The following TAB2 variants were observed in gnomAD, a reference collection of about 807,000 sequenced individuals.
The protein encoded by TAB2 is TGF-beta-activated kinase 1 and MAP3K7-binding protein 2.
A neutral mutation model predicts 65.0 loss-of-function variants in TAB2; 3 were observed. The observed-to-expected ratio is 0.05, with a 90% CI of 0.02 to 0.12. TAB2 has a LOEUF of 0.12. TAB2 is among the 10% of genes least tolerant of loss of function. The pLI is 1.00. For synonymous variants in TAB2, 298 were observed against 285.1 expected, an observed-to-expected ratio of 1.05 and a Z score of -0.46; for missense variants, 623 against 840.3, an observed-to-expected ratio of 0.74 and a Z score of 3.20.
At chr6:149,263,773 T>C (rs1231508522) in intron 1 of TAB2, among the ~76,000 whole-genome samples, 3 of 152,208 alleles carry the variant, frequency 2.0e-5, no homozygotes, top group Admixed American at 6.5e-5. Context: ...AAGAATATTA[T>C]GGGACAGGCC....
Position 149,368,612 on chromosome 6 carries a change from A to C in TAB2, c.-89-1297A>C, listed in dbSNP as rs559518218. Among the ~76,000 whole-genome samples the C allele has an allele frequency of 1.7e-3, 253 of 151,636 alleles. 1 individual carries two copies. Among genetic ancestry groups the C allele is most frequent in the African/African-American group, 6.0e-3 (246 of 41,306 alleles). ...TCTAGTACTTTCTCTCCTGCAACCC[A>C]TTTATAGAAACACTACTTTTGAATG... is the stretch of plus-strand genomic sequence containing the variant. On this transcript the variant is annotated intron_variant, in intron 1 of 6. Coordinates refer to ENST00000637181, the MANE Select transcript of TAB2 (RefSeq NM_001292034.3).
At chr6:149,326,693 G>T (rs541523922) in intron 1 of TAB2, among the ~76,000 whole-genome samples, 31 of 151,872 alleles carry the variant, frequency 2.0e-4, no homozygotes, top group Non-Finnish European at 3.5e-4. Flanking sequence ...GATTACAGGC[G>T]CCCACCACCC....
chr6:149,354,699 AG>A (rs1194098001), intron 1 of TAB2, among the ~76,000 whole-genome samples: 3 of 152,150 alleles, frequency 2.0e-5, no homozygotes, highest in African/African-American at 7.2e-5. Flanking sequence ...TGTATGTAAG[AG>A]AATACAGAAC....
intron 1 of TAB2, among the ~76,000 whole-genome samples, chr6:149,363,298 C>T (rs1187689755): frequency 1.3e-5 from 2 of 151,956 alleles, no homozygotes; most frequent in Admixed American, 6.6e-5. Flanking sequence ...ATGAGAAATT[C>T]GCCCCTATGA....
At chr6:149,229,394 G>A (rs1020875076) in intron 1 of TAB2, among the ~76,000 whole-genome samples, 1 of 8,264 alleles carries the variant, frequency 1.2e-4, no homozygotes, top group South Asian at 2.7e-3. Context: ...CTTTAAAGAC[G>A]TGTGTGTGTG....
At chr6:149,225,654 T>C (rs1777252847) in intron 1 of TAB2, among the ~76,000 whole-genome samples, 1 of 151,994 alleles carries the variant, frequency 6.6e-6, no homozygotes, top group African/African-American at 2.4e-5. Context: ...ATTTGTCCCA[T>C]AGCCAATGAT....
At position 149,379,529 on chromosome 6, in the gene TAB2, T is replaced by C. The variant is rs1247162434; in HGVS notation, c.1603+11T>C. The stretch of plus-strand genomic sequence containing the variant: ...CTGCCTACACACAAGGTAATATGAA[T>C]ACTAAAGGTGGGATGGTTTTCCATG... On this transcript the variant is annotated intron_variant, in intron 3 of 6. Transcript: ENST00000637181. The C allele has an allele frequency of 8.1e-6, 13 of 1,613,710 alleles. No individual in the cohort carries two copies. In the Admixed American group the frequency reaches 1.8e-4, roughly 23 times the overall value.
rs149163091 is a variant in TAB2 at position 149,307,355 on chromosome 6, G to A, written c.-120-70663G>A. On this transcript the variant is annotated intron_variant, in intron 1 of 1. Coordinates refer to the TAB2 transcript ENST00000606202. ...TCTTGCACCCTAAAGCCTACTATTTGGGGAAATTTATGAAGTTTGGGGAAC... is the reference window on the plus strand; with the variant it reads ...TCTTGCACCCTAAAGCCTACTATTTAGGGAAATTTATGAAGTTTGGGGAAC... 2.7e-3 allele frequency among the ~76,000 whole-genome samples: 407 copies of A among 152,208 alleles called. 1 individual carries two copies. In the Middle Eastern group the frequency reaches 0.027, roughly 10 times the overall value.
chr6:149,308,819 T>C (rs643921), intron 1 of TAB2, among the ~76,000 whole-genome samples: 66,346 of 151,938 alleles, frequency 0.44, 15,125 homozygotes, highest in African/African-American at 0.59. Context: ...AGCCACCACG[T>C]CCGGCCGATA....
chr6:149,344,523 T>C (rs1460179831), intron 1 of TAB2, among the ~76,000 whole-genome samples: 1 of 152,136 alleles, frequency 6.6e-6, no homozygotes, highest in Non-Finnish European at 1.5e-5. Context: ...TAATATATTA[T>C]AGAAATTGTG....
At chr6:149,349,419 CAAAA>C (rs369838005) in intron 1 of TAB2, among the ~76,000 whole-genome samples, 1 of 81,914 alleles carries the variant, frequency 1.2e-5, no homozygotes, top group Admixed American at 1.3e-4. Context: ...CACTCCGTCT[CAAAA>C]AAAAAAAAAA....
chr6:149,326,050 C>G (rs1779606702), intron 1 of TAB2, among the ~76,000 whole-genome samples: 2 of 152,164 alleles, frequency 1.3e-5, no homozygotes, highest in African/African-American at 4.8e-5. Context: ...CCTGTTTTAA[C>G]AGCAGCTATA....
intron 2 of TAB2, among the ~76,000 whole-genome samples, chr6:149,376,604 A>AC (rs1326362511): frequency 6.6e-6 from 1 of 152,182 alleles, no homozygotes; most frequent in African/African-American, 2.4e-5. Flanking sequence ...ATCAGGCCAT[A>AC]CCTTCCTCAT....
chr6:149,408,271 G>T (rs1187199778), intron 6 of TAB2, among the ~76,000 whole-genome samples: 5 of 152,040 alleles, frequency 3.3e-5, no homozygotes, highest in African/African-American at 1.2e-4. Flanking sequence ...TTCGATGTTT[G>T]TTTTAAAATT....
At chr6:149,320,555 A>T (rs1407363667) in intron 1 of TAB2, among the ~76,000 whole-genome samples, 1 of 152,234 alleles carries the variant, frequency 6.6e-6, no homozygotes, top group Non-Finnish European at 1.5e-5. Flanking sequence ...AGTGAAATGT[A>T]CATATGTGTA....
At chr6:149,248,690 G>A (rs762190986) in intron 1 of TAB2, among the ~76,000 whole-genome samples, 1 of 152,132 alleles carries the variant, frequency 6.6e-6, no homozygotes, top group Non-Finnish European at 1.5e-5. Context: ...GGAAAATAAC[G>A]TCAGCAAGAG....
Position 149,290,193 on chromosome 6 carries a change from A to T in TAB2, c.-121+71417A>T, listed in dbSNP as rs181544541. On this transcript the variant is annotated intron_variant, in intron 1 of 1. Coordinates refer to the TAB2 transcript ENST00000606202. Reference sequence around the variant, plus strand: ...AACTTCCACTTCCCACCATGGCCTGAACTAGTTTTTCAGGTTAACTTTGGA... The same window carrying T: ...AACTTCCACTTCCCACCATGGCCTGTACTAGTTTTTCAGGTTAACTTTGGA... Among the ~76,000 whole-genome samples the T allele has an allele frequency of 7.2e-5, 11 of 152,236 alleles. 1 individual carries two copies. The East Asian group carries it at 1.5e-3, about 21-fold the overall frequency.
At chr6:149,321,004 AT>A (rs1371822109) in intron 1 of TAB2, 1 of 152,258 alleles carries the variant, frequency 6.6e-6, no homozygotes, top group Non-Finnish European at 1.5e-5. Context: ...CAAAACAGTA[AT>A]AAGGAGGAGG....
At chr6:149,249,758 C>T (rs1419811751) in intron 1 of TAB2, among the ~76,000 whole-genome samples, 1 of 152,168 alleles carries the variant, frequency 6.6e-6, no homozygotes, top group Non-Finnish European at 1.5e-5. Context: ...CTCATTTCTT[C>T]CCTCATTTAC....
Sources: gnomAD v4.1 joint callset for allele counts (sites outside exome capture counted in the v4.1 genomes callset) on GRCh38, gnomAD v4.1.1 for gene constraint, MANE v1.5 for transcripts, NCBI Gene and HGNC (gene_info 2026-07-23, HGNC 2026-07-21) for gene names.